SGCZ: variants seen among roughly 807,000 people sequenced by gnomAD.
SGCZ encodes the protein zeta-sarcoglycan.
In SGCZ, 40 loss-of-function variants were observed where a neutral mutation model predicts 41.3. That is an observed-to-expected ratio of 0.97 (90% confidence interval 0.75 to 1.26). SGCZ has a LOEUF of 1.26. SGCZ is among the 50% of genes most tolerant of loss of function. The pLI, the probability that SGCZ is intolerant of heterozygous loss-of-function variation, is 0.00. For synonymous variants in SGCZ, 206 were observed against 137.5 expected, an observed-to-expected ratio of 1.50 and a Z score of -3.49; for missense variants, 552 against 369.8, an observed-to-expected ratio of 1.49 and a Z score of -4.04.
chr8:14,344,527 A>C (rs1033287097), intron 2 of SGCZ, among the ~76,000 whole-genome samples: 4 of 152,122 alleles, frequency 2.6e-5, no homozygotes, highest in Non-Finnish European at 5.9e-5. Flanking sequence ...ACCTGAAAGA[A>C]ATTAACGACC....
intron 1 of SGCZ, among the ~76,000 whole-genome samples, chr8:15,186,255 T>C (rs1286906350): frequency 1.3e-5 from 1 of 79,582 alleles, no homozygotes; most frequent in African/African-American, 5.8e-5. Context: ...GAGGGAAGAT[T>C]CCGTACCAAA....
intron 2 of SGCZ, among the ~76,000 whole-genome samples, chr8:14,379,666 T>C (rs1246170215): frequency 1.3e-5 from 2 of 152,126 alleles, no homozygotes; most frequent in Non-Finnish European, 1.5e-5. Flanking sequence ...AACACTATTA[T>C]AGATTTAAAA....
At chr8:15,036,874 C>T (rs1053524361) in intron 1 of SGCZ, among the ~76,000 whole-genome samples, 10 of 151,992 alleles carry the variant, frequency 6.6e-5, no homozygotes, top group African/African-American at 2.4e-4. Context: ...TTCATCAGCA[C>T]ATTAAAAATA....
chr8:14,791,089 T>C (rs1486487993), intron 1 of SGCZ, among the ~76,000 whole-genome samples: 1 of 151,952 alleles, frequency 6.6e-6, no homozygotes, highest in East Asian at 1.9e-4. Context: ...ATATGATCAT[T>C]ATTGCTATTA....
intron 1 of SGCZ, among the ~76,000 whole-genome samples, chr8:15,099,866 A>G (rs917723016): frequency 6.6e-6 from 1 of 152,192 alleles, no homozygotes; most frequent in Non-Finnish European, 1.5e-5. Context: ...GATCATATCA[A>G]TAAATGCAGA....
At chr8:14,202,849 G>C (rs950754173) in intron 4 of SGCZ, among the ~76,000 whole-genome samples, 6 of 152,100 alleles carry the variant, frequency 3.9e-5, no homozygotes, top group African/African-American at 1.4e-4. Context: ...GATATGGTTT[G>C]GCTGTGTCTC....
rs377298460 is a variant in SGCZ, at chr8:15,097,888, G to GTA, written c.39+139695_39+139696dup. Among the ~76,000 whole-genome samples, 166 of 120,660 alleles carry GTA rather than the reference G, an allele frequency of 1.4e-3. 6 individuals are homozygous for GTA. Among genetic ancestry groups the GTA allele is most frequent in the African/African-American group, 5.3e-3 (154 of 28,846 alleles). The allele number at this position is 120,660 out of a possible 152,430, so 79.2% of individuals were successfully genotyped here. A position where few individuals can be genotyped will look rare whatever the true frequency, so the allele number is the denominator to read the frequency against. On this transcript the variant is annotated intron_variant, in intron 1 of 7. Coordinates refer to ENST00000382080, the MANE Select transcript of SGCZ (RefSeq NM_139167.4). Reference sequence around the variant, plus strand: ...TGTGTATATATATATATATACGTGTGTATATATATATATATATATATACGT... The same window carrying GTA: ...TGTGTATATATATATATATACGTGTGTATATATATATATATATATATATACGT...
intron 2 of SGCZ, among the ~76,000 whole-genome samples, chr8:14,514,635 T>C (rs1432144031): frequency 6.7e-6 from 1 of 149,880 alleles, no homozygotes; most frequent in African/African-American, 2.4e-5. Flanking sequence ...TTCAGGGTTT[T>C]ACAGCTTAAA....
At chr8:14,611,074 T>A (rs1393715527) in intron 1 of SGCZ, among the ~76,000 whole-genome samples, 3 of 152,174 alleles carry the variant, frequency 2.0e-5, no homozygotes, top group Non-Finnish European at 4.4e-5. Flanking sequence ...AGTAAAATAA[T>A]AATAATCAGC....
intron 1 of SGCZ, among the ~76,000 whole-genome samples, chr8:14,685,859 T>C (rs1320888455): frequency 6.6e-6 from 1 of 152,064 alleles, no homozygotes; most frequent in Non-Finnish European, 1.5e-5. Context: ...GAATAAACCT[T>C]TCACTGAACT....
intron 1 of SGCZ, among the ~76,000 whole-genome samples, chr8:15,223,023 G>A (rs1324236671): frequency 1.3e-5 from 2 of 152,080 alleles, no homozygotes; most frequent in Non-Finnish European, 1.5e-5. Flanking sequence ...CAGACAATTT[G>A]GGAAATATTT....
At chr8:14,294,940 C>G (rs1277261822) in intron 3 of SGCZ, among the ~76,000 whole-genome samples, 1 of 152,060 alleles carries the variant, frequency 6.6e-6, no homozygotes, top group Non-Finnish European at 1.5e-5. Flanking sequence ...GTATGTGTAG[C>G]AACAAGGATT....
intron 2 of SGCZ, among the ~76,000 whole-genome samples, chr8:14,551,596 A>T (rs1008304052): frequency 2.2e-5 from 1 of 45,506 alleles, no homozygotes; most frequent in Non-Finnish European, 3.5e-5. Flanking sequence ...TATAATATAT[A>T]TTATATATAT....
At chr8:14,848,339 G>A (rs1803204210) in intron 1 of SGCZ, among the ~76,000 whole-genome samples, 1 of 152,064 alleles carries the variant, frequency 6.6e-6, no homozygotes, top group East Asian at 1.9e-4. Flanking sequence ...CTTTTCTGTG[G>A]AAATTGACAA....
intron 1 of SGCZ, among the ~76,000 whole-genome samples, chr8:15,102,574 C>T (rs545817474): frequency 9.2e-5 from 14 of 152,144 alleles, no homozygotes; most frequent in Middle Eastern, 3.4e-3. Context: ...AAGCATACCA[C>T]GCTAATGCAT....
intron 1 of SGCZ, among the ~76,000 whole-genome samples, chr8:14,887,435 G>A (rs1044902475): frequency 6.6e-5 from 10 of 152,008 alleles, no homozygotes; most frequent in Non-Finnish European, 1.2e-4. Context: ...AATGTAAAGA[G>A]AAAAAACTAG....
intron 1 of SGCZ, among the ~76,000 whole-genome samples, chr8:14,829,155 G>A (rs1398693127): frequency 8.5e-6 from 1 of 117,540 alleles, no homozygotes; most frequent in Non-Finnish European, 1.7e-5. Context: ...ATGAAGGTCA[G>A]TACCGATTAT....
chr8:15,170,277 C>G (rs1275073578), intron 1 of SGCZ, among the ~76,000 whole-genome samples: 2 of 152,176 alleles, frequency 1.3e-5, no homozygotes, highest in Admixed American at 6.5e-5. Context: ...TGCTCAAGGA[C>G]ACATTTGATC....
At chr8:14,435,930 C>G (rs558594953) in intron 2 of SGCZ, among the ~76,000 whole-genome samples, 13 of 152,186 alleles carry the variant, frequency 8.5e-5, no homozygotes, top group Non-Finnish European at 1.8e-4. Context: ...GGTAACTGAA[C>G]AAAGAATAAT....
Sources: gnomAD v4.1 joint callset for allele counts (sites outside exome capture counted in the v4.1 genomes callset) on GRCh38, gnomAD v4.1.1 for gene constraint, MANE v1.5 for transcripts, NCBI Gene and HGNC (gene_info 2026-07-23, HGNC 2026-07-21) for gene names.